MAP3K13: variants seen among roughly 807,000 people sequenced by gnomAD.
MAP3K13 encodes mitogen-activated protein kinase kinase kinase 13.
A neutral mutation model predicts 104.0 loss-of-function variants in MAP3K13; 52 were observed. The ratio of observed to expected loss-of-function variants is 0.50; its 90% confidence interval spans 0.40 to 0.63. The LOEUF is 0.63. MAP3K13 is among the 20% of genes least tolerant of loss of function. MAP3K13 has a pLI of 0.00. For synonymous variants in MAP3K13, 394 were observed against 442.2 expected, an observed-to-expected ratio of 0.89 and a Z score of 1.37; for missense variants, 914 against 1,218.5, an observed-to-expected ratio of 0.75 and a Z score of 3.72.
At chr3:185,349,837 A>C (rs1466741435) in intron 2 of MAP3K13, among the ~76,000 whole-genome samples, 1 of 152,142 alleles carries the variant, frequency 6.6e-6, no homozygotes, top group African/African-American at 2.4e-5. Context: ...CCTTCTTTTC[A>C]TATGCTCTTA....
At chr3:185,344,996 G>T (rs1476797083) in intron 2 of MAP3K13, among the ~76,000 whole-genome samples, 1 of 151,730 alleles carries the variant, frequency 6.6e-6, no homozygotes, top group Non-Finnish European at 1.5e-5. Flanking sequence ...CCAAGTAGCT[G>T]GGATTACAGG....
intron 1 of MAP3K13, among the ~76,000 whole-genome samples, chr3:185,421,191 G>A (rs556402602): frequency 1.3e-5 from 2 of 151,084 alleles, no homozygotes; most frequent in South Asian, 2.1e-4. Flanking sequence ...TGTTTTGTTT[G>A]TTTGTTTTTG....
rs1716909878 is a variant in MAP3K13 at position 185,458,633 on chromosome 3, T to A, written c.1279-4917T>A. 2.0e-5 allele frequency among the ~76,000 whole-genome samples: 3 copies of A among 152,130 alleles called. No homozygotes were observed. The South Asian group carries it at 6.2e-4, about 32-fold the overall frequency. On this transcript the variant is annotated intron_variant, in intron 7 of 13. Transcript: ENST00000265026. ...AGACCTGGCTTTTTGGCAGGCACAT[T>A]CTCTTTCTATAGTCCTCTTGTACCT...
chr3:185,424,072 A>G (rs1409482721), intron 1 of MAP3K13, among the ~76,000 whole-genome samples: 2 of 152,180 alleles, frequency 1.3e-5, no homozygotes, highest in Non-Finnish European at 2.9e-5. Flanking sequence ...TTAGTTCCGT[A>G]AGTAGTCTGT....
chr3:185,343,342 G>A (rs551206407), intron 2 of MAP3K13, among the ~76,000 whole-genome samples: 19 of 152,268 alleles, frequency 1.2e-4, no homozygotes, highest in African/African-American at 4.3e-4. Context: ...TTGCAGGGTG[G>A]AATTAATGCC....
chr3:185,448,057 C>A, intron 5 of MAP3K13, 110 bp downstream of exon 5: 1 of 1,230,842 alleles, frequency 8.1e-7, no homozygotes, highest in Non-Finnish European at 1.2e-6. Context: ...CAGTGTTGCT[C>A]ACTTTTGGTT....
chr3:185,477,476 C>A, intron 12 of MAP3K13, 80 bp downstream of exon 12: 4 of 1,014,218 alleles, frequency 3.9e-6, no homozygotes, highest in South Asian at 2.7e-5. Context: ...TGCTCTTCAA[C>A]CACAGGTGAT....
Position 185,450,403 on chromosome 3 carries a change from A to G in MAP3K13, c.1169+345A>G, listed in dbSNP as rs931289277. ...TATTATTAAATAGGTCACTAATCCT[A>G]GATTTCCATTTCATCATTAGACGTA... On this transcript the variant is annotated intron_variant, in intron 6 of 13. Transcript: ENST00000265026. The surrounding 1 kb of genome is among the most constrained non-coding windows in gnomAD (Gnocchi z 4.2). Among the ~76,000 whole-genome samples the G allele has an allele frequency of 3.3e-5, 5 of 152,198 alleles. No homozygotes were observed. Among genetic ancestry groups the G allele is most frequent in the African/African-American group, 1.2e-4 (5 of 41,444 alleles).
chr3:185,439,755 T>C (rs1483699644), intron 3 of MAP3K13, among the ~76,000 whole-genome samples: 2 of 152,188 alleles, frequency 1.3e-5, no homozygotes, highest in African/African-American at 4.8e-5. Flanking sequence ...TTTCTTCCTT[T>C]TTCCCACCTC....
intron 2 of MAP3K13, among the ~76,000 whole-genome samples, chr3:185,306,821 A>G (rs1425926171): frequency 1.3e-5 from 2 of 152,042 alleles, no homozygotes; most frequent in Non-Finnish European, 2.9e-5. Flanking sequence ...TTTTGTTGCA[A>G]TTGGTTTTGA....
chr3:185,453,629 C>T (rs1243090468), intron 7 of MAP3K13, among the ~76,000 whole-genome samples: 4 of 151,454 alleles, frequency 2.6e-5, no homozygotes, highest in Non-Finnish European at 4.4e-5. Flanking sequence ...ATTAGCTGCA[C>T]GTGGTGCTAC....
chr3:185,313,459 C>T (rs547744208), intron 2 of MAP3K13, among the ~76,000 whole-genome samples: 212 of 151,704 alleles, frequency 1.4e-3, no homozygotes, highest in Non-Finnish European at 2.4e-3. Flanking sequence ...TTAGCAGAGA[C>T]GGAGTTTCGC....
At chr3:185,452,713 G>A (rs956872207) in intron 7 of MAP3K13, among the ~76,000 whole-genome samples, 5 of 152,252 alleles carry the variant, frequency 3.3e-5, no homozygotes, top group South Asian at 2.1e-4. Flanking sequence ...TCTCATTCAC[G>A]CACCTGACCA....
chr3:185,380,578 G>A (rs1225321261), intron 1 of MAP3K13, among the ~76,000 whole-genome samples: 1 of 151,984 alleles, frequency 6.6e-6, no homozygotes, highest in Non-Finnish European at 1.5e-5. Flanking sequence ...GAAATGTTGA[G>A]GGTGGGGCCC....
chr3:185,385,962 C>T lies in MAP3K13; in HGVS notation c.-86+22594C>T, dbSNP rs141854722. Among the ~76,000 whole-genome samples the T allele has an allele frequency of 1.6e-4, 25 of 151,794 alleles. No homozygotes were observed. In the South Asian group the frequency reaches 1.7e-3, roughly 10 times the overall value. Reference sequence around the variant, plus strand: ...AGGTTGCAGTGAGCCAGTATCACACCGCTGCATTCCAGCCTGGGTGACAAA... The same window carrying T: ...AGGTTGCAGTGAGCCAGTATCACACTGCTGCATTCCAGCCTGGGTGACAAA... On this transcript the variant is annotated intron_variant, in intron 1 of 13. Coordinates refer to ENST00000265026, the MANE Select transcript of MAP3K13 (RefSeq NM_004721.5).
In MAP3K13 at chr3:185,375,718, A is replaced by G. The variant is rs529620516; in HGVS notation, c.-86+12350A>G. ...CATAAGCATTGTCCTGAGCAATGGG[A>G]TCTGATGCCTTTTGATGGCCTTTGC... On this transcript the variant is annotated intron_variant, in intron 1 of 13. Coordinates refer to ENST00000265026, the MANE Select transcript of MAP3K13 (RefSeq NM_004721.5). 1.2e-4 allele frequency among the ~76,000 whole-genome samples: 19 copies of G among 152,242 alleles called. No homozygotes were observed. The East Asian group carries it at 3.3e-3, about 26-fold the overall frequency.
intron 1 of MAP3K13, among the ~76,000 whole-genome samples, chr3:185,426,588 C>T (rs539154448): frequency 2.6e-5 from 4 of 152,310 alleles, no homozygotes; most frequent in African/African-American, 9.6e-5. Context: ...GCATGCAAAG[C>T]TCCTTATAGT....
In MAP3K13 at chr3:185,483,308, G is replaced by A. The variant is rs115860830; in HGVS notation, c.*852G>A. On this transcript the variant is annotated 3_prime_UTR_variant, in exon 14 of 14. Coordinates refer to ENST00000265026, the MANE Select transcript of MAP3K13 (RefSeq NM_004721.5). ...TTAGTGCTGTCACTGTCATTACCTT[G>A]GCAAATGTGCTACCTTGACCCAACG... is the stretch of plus-strand genomic sequence containing the variant. 1.0e-3 allele frequency: 242 copies of A among 232,108 alleles called. No individual in the cohort carries two copies. The highest frequency in any genetic ancestry group is 5.0e-3 in the African/African-American group (229 of 45,356). 14.4% of individuals were successfully genotyped at this position (232,108 alleles called of 1,614,324 possible).
rs1383998949 is a variant in MAP3K13, at chr3:185,488,099, T to C, written c.*5643T>C. 6.6e-6 allele frequency: 1 copy of C among 152,220 alleles called. No individual in the cohort carries two copies. The highest frequency in any genetic ancestry group is 1.9e-4 in the East Asian group (1 of 5,202). 9.4% of individuals were successfully genotyped at this position (152,220 alleles called of 1,614,324 possible). A position where few individuals can be genotyped will look rare whatever the true frequency, so the allele number is the denominator to read the frequency against. On this transcript the variant is annotated 3_prime_UTR_variant, in exon 14 of 14. Coordinates refer to ENST00000265026, the MANE Select transcript of MAP3K13 (RefSeq NM_004721.5). ...ATCATTTAATTCTGTTGAATGAATA[T>C]GTTCCTCCCTCACCTTTTATAAACA...
Sources: gnomAD v4.1 joint callset for allele counts (sites outside exome capture counted in the v4.1 genomes callset) on GRCh38, gnomAD v4.1.1 for gene constraint, Gnocchi (gnomAD v3.1) non-coding constraint, MANE v1.5 for transcripts, NCBI Gene and HGNC (gene_info 2026-07-23, HGNC 2026-07-21) for gene names.